The following WDFY2 variants were observed in gnomAD, a reference collection of about 807,000 sequenced individuals.
WDFY2 encodes the protein WD repeat and FYVE domain containing 2.
Under a neutral mutation model 56.4 loss-of-function variants are expected in WDFY2, and 36 were observed. The ratio of observed to expected loss-of-function variants is 0.64; its 90% CI spans 0.49 to 0.84. WDFY2 has a LOEUF of 0.84. WDFY2 is among the 40% of genes least tolerant of loss of function. The pLI, the probability that WDFY2 is intolerant of heterozygous loss-of-function variation, is 0.00. For synonymous variants in WDFY2, 176 were observed against 183.7 expected (o/e 0.96, Z 0.34); for missense variants, 444 against 512.2 (o/e 0.87, Z 1.29).
chr13:51,757,197 G>T (rs1953413399), intron 10 of WDFY2, among the ~76,000 whole-genome samples: 1 of 152,078 alleles, frequency 6.6e-6, no homozygotes, highest in Non-Finnish European at 1.5e-5. Context: ...AAAATAAGAT[G>T]CCCTTGCATA....
At chr13:51,706,878 C>T (rs940061684) in intron 4 of WDFY2, among the ~76,000 whole-genome samples, 1 of 151,826 alleles carries the variant, frequency 6.6e-6, no homozygotes, top group East Asian at 1.9e-4. Context: ...ATATCACAAA[C>T]GGGATGATTG....
At chr13:51,627,544 T>TG (rs1398357644) in intron 1 of WDFY2, among the ~76,000 whole-genome samples, 1 of 151,888 alleles carries the variant, frequency 6.6e-6, no homozygotes, top group African/African-American at 2.4e-5. Context: ...AATTTTTTTT[T>TG]TTGTTGTTAT....
At chr13:51,724,914 T>G (rs1273955195) in intron 5 of WDFY2, among the ~76,000 whole-genome samples, 1 of 152,204 alleles carries the variant, frequency 6.6e-6, no homozygotes, top group Non-Finnish European at 1.5e-5. Context: ...CTTCAGTAGC[T>G]TCCTTGCCTT....
chr13:51,730,575 C>T (rs747020981), intron 6 of WDFY2, among the ~76,000 whole-genome samples: 2 of 152,180 alleles, frequency 1.3e-5, no homozygotes, highest in African/African-American at 4.8e-5. Flanking sequence ...AAAGCTAAAG[C>T]ACAGTTCTAG....
rs573038545 is a variant in WDFY2 at position 51,626,714 on chromosome 13, A to G, written c.138-33882A>G. The stretch of plus-strand genomic sequence containing the variant: ...TCCTCTCTTCAGTGTTTCATATCAC[A>G]TTACTAGAGACAACCACAATAATAA... On this transcript the variant is annotated intron_variant, in intron 1 of 11. Coordinates refer to ENST00000298125, the MANE Select transcript of WDFY2 (RefSeq NM_052950.4). Among the ~76,000 whole-genome samples the G allele has an allele frequency of 4.6e-5, 7 of 152,364 alleles. No homozygotes were observed. In the South Asian group the frequency reaches 1.4e-3, roughly 32 times the overall value.
chr13:51,708,581 T>TA lies in WDFY2; in HGVS notation c.334+4942dup, dbSNP rs71085095. ...AATCATATAGTAATTCCCAATTAAT[T>TA]AAAAAAAAAAAGCAGACTAAGAGGA... On this transcript the variant is annotated intron_variant, in intron 4 of 11. Transcript: ENST00000298125. 6.4e-3 allele frequency among the ~76,000 whole-genome samples: 924 copies of TA among 144,706 alleles called. 8 individuals carry two copies. The highest frequency in any genetic ancestry group is 0.019 in the African/African-American group (738 of 38,710). 94.9% of individuals were successfully genotyped at this position (144,706 alleles called of 152,430 possible). A position where few individuals can be genotyped will look rare whatever the true frequency, so the allele number is the denominator to read the frequency against.
rs1014593163 is a variant in WDFY2, at chr13:51,765,726, C to T, written c.*5957C>T. The stretch of plus-strand genomic sequence containing the variant: ...TTTCTGGACTTTTTCCATCTAGAGC[C>T]TGCTAGGTTTGGTTTTGAGAAAAGA... On this transcript the variant is annotated 3_prime_UTR_variant, in exon 12 of 12. Transcript: ENST00000298125. The T allele has an allele frequency of 1.3e-5, 2 of 152,120 alleles. No homozygotes were observed. Among genetic ancestry groups the T allele is most frequent in the African/African-American group, 4.8e-5 (2 of 41,398 alleles). 9.4% of individuals were successfully genotyped at this position (152,120 alleles called of 1,614,324 possible). A position where few individuals can be genotyped will look rare whatever the true frequency, so the allele number is the denominator to read the frequency against.
rs542880365 is a variant in WDFY2 at position 51,604,815 on chromosome 13, G to A, written c.137+19991G>A. Among the ~76,000 whole-genome samples, 35 of 152,254 alleles carry A rather than the reference G, an allele frequency of 2.3e-4. No homozygotes were observed. The South Asian group carries it at 7.0e-3, about 31-fold the overall frequency. On this transcript the variant is annotated intron_variant, in intron 1 of 11. Coordinates refer to ENST00000298125, the MANE Select transcript of WDFY2 (RefSeq NM_052950.4). ...CATAAAGTGGGAGGTCTAGTTAAAGGTTAAACTAAATGATGGTGGTGCCTG... is the reference window on the plus strand; with the variant it reads ...CATAAAGTGGGAGGTCTAGTTAAAGATTAAACTAAATGATGGTGGTGCCTG...
intron 1 of WDFY2, among the ~76,000 whole-genome samples, chr13:51,620,271 G>A (rs1328717132): frequency 6.6e-6 from 1 of 152,216 alleles, no homozygotes; most frequent in African/African-American, 2.4e-5. Context: ...CCCCCATGGA[G>A]TGACCTCAGG....
chr13:51,646,836 G>A (rs1955271454), intron 1 of WDFY2, among the ~76,000 whole-genome samples: 1 of 152,096 alleles, frequency 6.6e-6, no homozygotes, highest in African/African-American at 2.4e-5. Context: ...GATGGGTAGG[G>A]GCATGAACCT....
chr13:51,762,977 T>C lies in WDFY2; in HGVS notation c.*3208T>C, dbSNP rs990353817. The C allele has an allele frequency of 6.6e-6, 1 of 152,202 alleles. No homozygotes were observed. The highest frequency in any genetic ancestry group is 1.5e-5 in the Non-Finnish European group (1 of 68,024). 9.4% of individuals were successfully genotyped at this position (152,202 alleles called of 1,614,324 possible). The stretch of plus-strand genomic sequence containing the variant: ...GAGATTAAGCATTTGGAATCTTATG[T>C]CATTTTGTATGGGGTCAATCCACCA... On this transcript the variant is annotated 3_prime_UTR_variant, in exon 12 of 12. Transcript: ENST00000298125.
chr13:51,697,406 G>A (rs527413409), intron 3 of WDFY2, among the ~76,000 whole-genome samples: 1 of 152,130 alleles, frequency 6.6e-6, no homozygotes, highest in Admixed American at 6.5e-5. Flanking sequence ...GCTGAGGCAG[G>A]CAGATTGCTG....
At chr13:51,706,207 C>T (rs938470446) in intron 4 of WDFY2, among the ~76,000 whole-genome samples, 5 of 152,114 alleles carry the variant, frequency 3.3e-5, no homozygotes, top group East Asian at 1.9e-4. Flanking sequence ...AGTGACACTT[C>T]GTGTTGTTTT....
At chr13:51,611,419 A>C (rs1232800723) in intron 1 of WDFY2, among the ~76,000 whole-genome samples, 1 of 152,154 alleles carries the variant, frequency 6.6e-6, no homozygotes, top group African/African-American at 2.4e-5. Flanking sequence ...TTTTCAATGA[A>C]TTTATTTTAT....
chr13:51,709,489 G>A (rs1429897740), intron 4 of WDFY2, among the ~76,000 whole-genome samples: 3 of 151,866 alleles, frequency 2.0e-5, no homozygotes. Context: ...TTAAAAAATT[G>A]AAAAATTGAT....
intron 1 of WDFY2, among the ~76,000 whole-genome samples, chr13:51,608,075 A>C (rs1350302288): frequency 6.6e-6 from 1 of 152,186 alleles, no homozygotes; most frequent in Non-Finnish European, 1.5e-5. Flanking sequence ...CTCCAGAGGA[A>C]CCAGCCCTGT....
chr13:51,599,718 C>A (rs192662851), intron 1 of WDFY2, among the ~76,000 whole-genome samples: 1 of 152,226 alleles, frequency 6.6e-6, no homozygotes, highest in East Asian at 1.9e-4. Flanking sequence ...TTAAAACTTG[C>A]TGCCTTACTA....
At chr13:51,712,579 C>G (rs1952246910) in intron 4 of WDFY2, among the ~76,000 whole-genome samples, 2 of 151,876 alleles carry the variant, frequency 1.3e-5, no homozygotes, top group African/African-American at 4.8e-5. Context: ...TGACTTCCAC[C>G]TTAGAATACC....
At chr13:51,694,695 G>A (rs1951823996) in intron 3 of WDFY2, among the ~76,000 whole-genome samples, 4 of 152,064 alleles carry the variant, frequency 2.6e-5, no homozygotes, top group Admixed American at 6.6e-5. Context: ...TCTTTGTGGC[G>A]TTCTCTGTAT....
Sources: allele counts gnomAD v4.1 joint callset (sites outside exome capture counted in the v4.1 genomes callset), GRCh38; gene constraint gnomAD v4.1.1; transcripts MANE v1.5; gene names NCBI Gene and HGNC (gene_info 2026-07-23, HGNC 2026-07-21).